Variants in TEAD4 observed in about 807,000 individuals in gnomAD.
The protein encoded by TEAD4 is TEA domain transcription factor 4.
TEAD4 carries 36 observed loss-of-function variants against 52.4 expected under a neutral mutation model. The ratio of observed to expected loss-of-function variants is 0.69; its 90% CI spans 0.53 to 0.91. The LOEUF (loss-of-function observed/expected upper bound fraction) is 0.91. Among genes scored for constraint, TEAD4 ranks in the 40% least tolerant of loss-of-function variants. TEAD4 has a pLI of 0.00. For missense variants in TEAD4, 508 were observed against 583.9 expected (o/e 0.87, Z 1.34); for synonymous variants, 220 against 231.0 (o/e 0.95, Z 0.43).
intron 3 of TEAD4, among the ~76,000 whole-genome samples, chr12:2,995,425 C>T (rs900637937): frequency 1.6e-4 from 25 of 152,098 alleles, no homozygotes; most frequent in Admixed American, 1.2e-3. Flanking sequence ...GTGGGTTAGA[C>T]GGGTCTAGTC....
Position 3,005,599 on chromosome 12 carries a change from C to T in TEAD4, c.227-5405C>T, listed in dbSNP as rs553757691. ...GCAAGCTCTGCCTCCTGGGTTCAAGCCATTCTCCTGCCTCAGCCTCCCGAG... is the reference window on the plus strand; with the variant it reads ...GCAAGCTCTGCCTCCTGGGTTCAAGTCATTCTCCTGCCTCAGCCTCCCGAG... On this transcript the variant is annotated intron_variant, in intron 3 of 12. Coordinates refer to ENST00000359864, the MANE Select transcript of TEAD4 (RefSeq NM_003213.4). Among the ~76,000 whole-genome samples, 292 of 152,076 alleles carry T rather than the reference C, an allele frequency of 1.9e-3. 1 individual carries two copies. The Middle Eastern group carries it at 0.024, about 12-fold the overall frequency.
At chr12:2,988,236 G>T (rs1432784145) in intron 2 of TEAD4, among the ~76,000 whole-genome samples, 2 of 152,068 alleles carry the variant, frequency 1.3e-5, no homozygotes, top group Admixed American at 1.3e-4. Flanking sequence ...CTAGGGGTCT[G>T]GCGCGGTGGT....
intron 3 of TEAD4, among the ~76,000 whole-genome samples, chr12:3,007,982 T>C (rs2098257259): frequency 6.6e-6 from 1 of 152,176 alleles, no homozygotes; most frequent in Non-Finnish European, 1.5e-5. Flanking sequence ...CCCTCATCAT[T>C]CAGGCAGCAA....
chr12:2,997,809 G>GT (rs957696669), intron 3 of TEAD4, among the ~76,000 whole-genome samples: 1 of 151,072 alleles, frequency 6.6e-6, no homozygotes, highest in African/African-American at 2.4e-5. Flanking sequence ...CTTTTTCGGG[G>GT]GGGGGGTGTG....
Position 2,984,107 on chromosome 12 carries a change from G to A in TEAD4, c.-29-10631G>A, listed in dbSNP as rs371351260. ...GAAAGAGCCTAGCATGTTGGGGGGTGATTTGGATGGCTGAGTTTGGGGCTT... is the reference window on the plus strand; with the variant it reads ...GAAAGAGCCTAGCATGTTGGGGGGTAATTTGGATGGCTGAGTTTGGGGCTT... On this transcript the variant is annotated intron_variant, in intron 2 of 12. Transcript: ENST00000359864. Among the ~76,000 whole-genome samples, 26 of 152,276 alleles carry A rather than the reference G, an allele frequency of 1.7e-4. No individual in the cohort carries two copies. In the South Asian group the frequency reaches 5.2e-3, roughly 30 times the overall value.
chr12:3,002,932 C>T (rs993592069), intron 3 of TEAD4, among the ~76,000 whole-genome samples: 6 of 152,226 alleles, frequency 3.9e-5, no homozygotes, highest in African/African-American at 1.4e-4. Context: ...CCAATTGCTG[C>T]CTTCTCAGGC....
At chr12:2,966,034 A>G (rs1372869547) in intron 2 of TEAD4, among the ~76,000 whole-genome samples, 2 of 152,060 alleles carry the variant, frequency 1.3e-5, no homozygotes, top group Non-Finnish European at 2.9e-5. Flanking sequence ...CCTAGGTTAG[A>G]TTTTTGAACA....
At chr12:3,025,568 G>A (rs909294063) in intron 10 of TEAD4, among the ~76,000 whole-genome samples, 3 of 150,898 alleles carry the variant, frequency 2.0e-5, no homozygotes, top group Admixed American at 6.6e-5. Flanking sequence ...ATGGAGTTTC[G>A]CTCTGTTGCC....
intron 3 of TEAD4, among the ~76,000 whole-genome samples, chr12:2,997,366 G>C (rs2098248075): frequency 1.3e-5 from 2 of 152,172 alleles, no homozygotes; most frequent in South Asian, 4.1e-4. Flanking sequence ...AAGCGTCATG[G>C]GGGAGACAGC....
intron 10 of TEAD4, among the ~76,000 whole-genome samples, chr12:3,027,640 G>A (rs1591596745): frequency 6.6e-6 from 1 of 152,210 alleles, no homozygotes; most frequent in African/African-American, 2.4e-5. Flanking sequence ...GACGAGGCGG[G>A]TGGATTGCTT....
At chr12:3,008,759 T>C (rs1461907396) in intron 3 of TEAD4, among the ~76,000 whole-genome samples, 1 of 152,144 alleles carries the variant, frequency 6.6e-6, no homozygotes, top group Non-Finnish European at 1.5e-5. Context: ...AGTCTCTTCC[T>C]CTGAGCTGTT....
intron 2 of TEAD4, among the ~76,000 whole-genome samples, chr12:2,987,584 G>C (rs904364462): frequency 2.0e-5 from 3 of 151,780 alleles, no homozygotes; most frequent in Non-Finnish European, 4.4e-5. Context: ...ACAGGTGCCC[G>C]CCACTGCACC....
At chr12:2,998,994 G>C (rs1465125190) in intron 3 of TEAD4, among the ~76,000 whole-genome samples, 1 of 152,196 alleles carries the variant, frequency 6.6e-6, no homozygotes, top group Non-Finnish European at 1.5e-5. Flanking sequence ...AGTCCCGGGG[G>C]CCGAGCCAAG....
intron 2 of TEAD4, among the ~76,000 whole-genome samples, chr12:2,980,663 G>T (rs1294644408): frequency 6.6e-6 from 1 of 152,018 alleles, no homozygotes; most frequent in Non-Finnish European, 1.5e-5. Flanking sequence ...AACCTAGGAG[G>T]CTGAGATTGC....
chr12:2,968,788 A>T (rs1364856703), intron 2 of TEAD4, among the ~76,000 whole-genome samples: 1 of 151,998 alleles, frequency 6.6e-6, no homozygotes, highest in Non-Finnish European at 1.5e-5. Flanking sequence ...AGCTGGGATG[A>T]CAGGTTTGTG....
rs117014591 is a variant in TEAD4, at chr12:2,990,959, A to G, written c.-29-3779A>G. ...TCACTCCATGGGAGGCCAAGGAGGG[A>G]GAATTGCTTGAGGCTGGAAGTTCAA... is the stretch of plus-strand genomic sequence containing the variant. On this transcript the variant is annotated intron_variant, in intron 2 of 12. Transcript: ENST00000359864. 7.9e-4 allele frequency among the ~76,000 whole-genome samples: 121 copies of G among 152,278 alleles called. No homozygotes were observed. The East Asian group carries it at 0.014, about 18-fold the overall frequency.
At chr12:3,019,283 A>C (rs986180118) in intron 8 of TEAD4, 113 bp downstream of exon 8, 3 of 1,205,082 alleles carry the variant, frequency 2.5e-6, no homozygotes, top group Non-Finnish European at 3.6e-6. Flanking sequence ...CTGCCCCGTC[A>C]TGCACACTGA....
chr12:3,003,613 C>T (rs963211794), intron 3 of TEAD4, among the ~76,000 whole-genome samples: 1 of 152,160 alleles, frequency 6.6e-6, no homozygotes, highest in African/African-American at 2.4e-5. Flanking sequence ...GCCAAGGCTC[C>T]TGTTTCTCCA....
At chr12:2,980,619 G>A (rs2098233396) in intron 2 of TEAD4, among the ~76,000 whole-genome samples, 2 of 152,082 alleles carry the variant, frequency 1.3e-5, no homozygotes, top group South Asian at 4.1e-4. Flanking sequence ...TGTAATTCCA[G>A]CTACTCAGGA....
Sources: gnomAD v4.1 joint callset for allele counts (sites outside exome capture counted in the v4.1 genomes callset) on GRCh38, gnomAD v4.1.1 for gene constraint, MANE v1.5 for transcripts, NCBI Gene and HGNC (gene_info 2026-07-23, HGNC 2026-07-21) for gene names.